Variants in OPCML observed in about 807,000 individuals in gnomAD.
OPCML encodes the protein opioid binding protein/cell adhesion molecule like, also known as opioid-binding protein/cell adhesion molecule.
A neutral mutation model predicts 37.8 loss-of-function variants in OPCML; 13 were observed. The observed-to-expected ratio is 0.34, with a 90% CI of 0.22 to 0.55. OPCML has a LOEUF of 0.55. Among genes scored for constraint, OPCML ranks in the 20% least tolerant of loss-of-function variants. The pLI is 0.91. For synonymous variants in OPCML, 176 were observed against 168.8 expected, an observed-to-expected ratio of 1.04 and a Z score of -0.33; for missense variants, 341 against 435.6, an observed-to-expected ratio of 0.78 and a Z score of 1.93.
intron 1 of OPCML, among the ~76,000 whole-genome samples, chr11:133,098,174 C>G (rs1949031855): frequency 6.6e-6 from 1 of 151,790 alleles, no homozygotes; most frequent in Non-Finnish European, 1.5e-5. Flanking sequence ...TACGCTGCTA[C>G]CAAGTGGGAT....
At chr11:133,115,034 T>G (rs1949310836) in intron 1 of OPCML, among the ~76,000 whole-genome samples, 1 of 152,228 alleles carries the variant, frequency 6.6e-6, no homozygotes, top group African/African-American at 2.4e-5. Flanking sequence ...ATGTAGGATT[T>G]TAGTTAAATT....
At chr11:133,221,481 A>C (rs887770887) in intron 1 of OPCML, among the ~76,000 whole-genome samples, 1 of 152,126 alleles carries the variant, frequency 6.6e-6, no homozygotes, top group East Asian at 1.9e-4. Flanking sequence ...ATTTGATAGC[A>C]CTTATTCATG....
chr11:133,151,706 G>T (rs1274425564), intron 1 of OPCML, among the ~76,000 whole-genome samples: 1 of 152,152 alleles, frequency 6.6e-6, no homozygotes, highest in Non-Finnish European at 1.5e-5. Context: ...TCACCCTGTG[G>T]ACACTGCTCC....
chr11:133,100,484 G>A (rs1291224210), intron 1 of OPCML, among the ~76,000 whole-genome samples: 1 of 152,132 alleles, frequency 6.6e-6, no homozygotes, highest in East Asian at 1.9e-4. Flanking sequence ...TTTATATGAA[G>A]AGGAAAACAA....
chr11:133,250,898 C>T (rs1046971714), intron 1 of OPCML, among the ~76,000 whole-genome samples: 6 of 152,070 alleles, frequency 3.9e-5, no homozygotes, highest in African/African-American at 1.4e-4. Flanking sequence ...GAAATGCCTC[C>T]CATTCCCCTT....
intron 4 of OPCML, among the ~76,000 whole-genome samples, chr11:132,517,123 G>T (rs960315547): frequency 4.6e-5 from 7 of 152,148 alleles, no homozygotes; most frequent in Admixed American, 4.6e-4. Flanking sequence ...TTAGAGCAGG[G>T]ATTATGTTCT....
chr11:133,391,178 G>A (rs1037028884), intron 1 of OPCML, among the ~76,000 whole-genome samples: 7 of 152,206 alleles, frequency 4.6e-5, no homozygotes, highest in African/African-American at 1.7e-4. Context: ...CGGCATACAC[G>A]TGGCCCTGCT....
chr11:133,075,376 T>A (rs1948605814), intron 1 of OPCML, among the ~76,000 whole-genome samples: 1 of 152,168 alleles, frequency 6.6e-6, no homozygotes, highest in African/African-American at 2.4e-5. Flanking sequence ...AATGAGGCCT[T>A]TCCCTGGGAC....
intron 7 of OPCML, among the ~76,000 whole-genome samples, chr11:132,423,206 A>T (rs1466466916): frequency 1.3e-5 from 2 of 152,204 alleles, no homozygotes; most frequent in Non-Finnish European, 1.5e-5. Flanking sequence ...TCCCTTTTGC[A>T]GCCCCATTTT....
chr11:132,570,491 C>T (rs1318541452), intron 3 of OPCML, among the ~76,000 whole-genome samples: 2 of 151,652 alleles, frequency 1.3e-5, no homozygotes, highest in African/African-American at 2.4e-5. Flanking sequence ...TATTAAATAC[C>T]ATGAATGTAA....
At chr11:132,540,115 G>T (rs1046560291) in intron 3 of OPCML, among the ~76,000 whole-genome samples, 1 of 152,166 alleles carries the variant, frequency 6.6e-6, no homozygotes, top group Admixed American at 6.5e-5. Flanking sequence ...ATGGCAGAAG[G>T]TTAGACAAGT....
intron 1 of OPCML, chr11:133,302,347 TC>T (rs1942801815): frequency 6.5e-6 from 1 of 153,188 alleles, no homozygotes; most frequent in African/African-American, 2.4e-5. Context: ...TCATTCTCTC[TC>T]CTGCCACCCT....
intron 2 of OPCML, among the ~76,000 whole-genome samples, chr11:132,792,436 T>C (rs1937976872): frequency 6.6e-6 from 1 of 152,216 alleles, no homozygotes; most frequent in South Asian, 2.1e-4. Flanking sequence ...AGAAAAAAAG[T>C]GTAAAGACTA....
intron 2 of OPCML, among the ~76,000 whole-genome samples, chr11:132,702,802 A>G (rs987481428): frequency 5.3e-5 from 8 of 150,314 alleles, no homozygotes; most frequent in Admixed American, 5.3e-4. Context: ...GATCTTGCTG[A>G]TTATTTCTTC....
chr11:133,181,627 G>A (rs1231510271), intron 1 of OPCML, among the ~76,000 whole-genome samples: 1 of 152,132 alleles, frequency 6.6e-6, no homozygotes, highest in Non-Finnish European at 1.5e-5. Flanking sequence ...CTGACACTGT[G>A]CTAAGATCCC....
At chr11:132,659,891 T>C (rs780830159) in intron 2 of OPCML, among the ~76,000 whole-genome samples, 4 of 152,216 alleles carry the variant, frequency 2.6e-5, no homozygotes, top group Non-Finnish European at 5.9e-5. Context: ...CAGAAAAATG[T>C]ACTTTATGCT....
At chr11:133,153,334 G>T (rs2137196505) in intron 1 of OPCML, among the ~76,000 whole-genome samples, 1 of 152,322 alleles carries the variant, frequency 6.6e-6, no homozygotes, top group South Asian at 2.1e-4. Context: ...CAGAGAGGCT[G>T]CTCCACAGGA....
At chr11:133,450,827 T>C (rs1349274394) in intron 1 of OPCML, among the ~76,000 whole-genome samples, 2 of 151,702 alleles carry the variant, frequency 1.3e-5, no homozygotes, top group East Asian at 3.8e-4. Flanking sequence ...CCACAGACAG[T>C]GGCAAAAAAC....
intron 1 of OPCML, among the ~76,000 whole-genome samples, chr11:132,953,298 GC>G (rs1286215592): frequency 1.3e-5 from 2 of 152,158 alleles, no homozygotes; most frequent in African/African-American, 4.8e-5. Context: ...TCCACAGTCT[GC>G]AGAAACTCCG....
Sources: allele counts gnomAD v4.1 joint callset (sites outside exome capture counted in the v4.1 genomes callset), GRCh38; gene constraint gnomAD v4.1.1; transcripts MANE v1.5; gene names NCBI Gene and HGNC (gene_info 2026-07-23, HGNC 2026-07-21).